NRXN3: variants seen among roughly 807,000 people sequenced by gnomAD.
NRXN3 encodes the protein neurexin III.
In NRXN3, 32 loss-of-function variants were observed where a neutral mutation model predicts 137.6. That is an observed-to-expected ratio of 0.23 (90% CI 0.18 to 0.31). The LOEUF (loss-of-function observed/expected upper bound fraction) is 0.31. Among genes scored for constraint, NRXN3 ranks in the 10% least tolerant of loss-of-function variants. NRXN3 has a pLI of 1.00. For missense variants in NRXN3, 1,574 were observed against 2,062.5 expected, an observed-to-expected ratio of 0.76 and a Z score of 4.59; for synonymous variants, 798 against 784.5, an observed-to-expected ratio of 1.02 and a Z score of -0.29.
intron 1 of NRXN3, among the ~76,000 whole-genome samples, chr14:78,193,983 C>G (rs948721582): frequency 6.6e-6 from 1 of 152,128 alleles, no homozygotes. Flanking sequence ...GGCTGCTAGG[C>G]TAACTCTCCC....
At chr14:79,099,869 G>C (rs1410935687) in intron 15 of NRXN3, among the ~76,000 whole-genome samples, 1 of 152,116 alleles carries the variant, frequency 6.6e-6, no homozygotes, top group Non-Finnish European at 1.5e-5. Flanking sequence ...TCTTCCTCAA[G>C]GCCTCTAACT....
intron 15 of NRXN3, among the ~76,000 whole-genome samples, chr14:79,456,625 G>GT (rs1175354919): frequency 1.3e-5 from 2 of 151,922 alleles, no homozygotes; most frequent in Non-Finnish European, 2.9e-5. Context: ...TACTCTGGAG[G>GT]CTGAGACAGG....
rs1016105145 is a variant in NRXN3, at chr14:78,983,130, A to C, written c.3143-4892A>C. Among the ~76,000 whole-genome samples the C allele has an allele frequency of 3.3e-5, 5 of 152,278 alleles. No individual in the cohort carries two copies. The South Asian group carries it at 1.0e-3, about 32-fold the overall frequency. ...AAAATAGCTACTATCAAAAAGACAA[A>C]AACAACAACAACAACAAGTATTGGC... On this transcript the variant is annotated intron_variant, in intron 14 of 20. Coordinates refer to ENST00000335750, the MANE Select transcript of NRXN3 (RefSeq NM_001330195.2).
At chr14:78,740,034 C>T (rs1287434367) in intron 8 of NRXN3, among the ~76,000 whole-genome samples, 1 of 152,166 alleles carries the variant, frequency 6.6e-6, no homozygotes, top group Non-Finnish European at 1.5e-5. Context: ...GCCCTGGCAT[C>T]TCTTAAGTTG....
chr14:79,645,533 T>G (rs1442683266), intron 16 of NRXN3, among the ~76,000 whole-genome samples: 1 of 129,442 alleles, frequency 7.7e-6, no homozygotes, highest in East Asian at 2.0e-4. Flanking sequence ...GGAGAATCAC[T>G]AGAATTCAGG....
At chr14:79,466,120 C>A (rs1408757905) in intron 15 of NRXN3, among the ~76,000 whole-genome samples, 1 of 151,896 alleles carries the variant, frequency 6.6e-6, no homozygotes, top group Non-Finnish European at 1.5e-5. Flanking sequence ...ACTGGTAAAC[C>A]CACTAATCAT....
intron 4 of NRXN3, among the ~76,000 whole-genome samples, chr14:78,512,325 T>G (rs1323668714): frequency 1.3e-5 from 2 of 152,186 alleles, no homozygotes; most frequent in Non-Finnish European, 2.9e-5. Flanking sequence ...CCACTAAGTT[T>G]GGTGGTGGTT....
At chr14:79,031,392 A>G (rs1031564422) in intron 15 of NRXN3, among the ~76,000 whole-genome samples, 6 of 152,156 alleles carry the variant, frequency 3.9e-5, no homozygotes, top group Non-Finnish European at 8.8e-5. Flanking sequence ...TCTCAAAGCT[A>G]TGAGAAATAA....
intron 4 of NRXN3, among the ~76,000 whole-genome samples, chr14:78,559,843 T>A (rs1336861875): frequency 6.6e-6 from 1 of 152,230 alleles, no homozygotes; most frequent in Non-Finnish European, 1.5e-5. Context: ...CAGGCTCTCA[T>A]TTGAGCCCTC....
intron 15 of NRXN3, among the ~76,000 whole-genome samples, chr14:79,230,367 G>C (rs1395507420): frequency 6.6e-6 from 1 of 152,078 alleles, no homozygotes; most frequent in Non-Finnish European, 1.5e-5. Flanking sequence ...GACAAGGGTT[G>C]CCTAGCCTGA....
At chr14:79,557,841 T>G (rs2153768066) in intron 16 of NRXN3, among the ~76,000 whole-genome samples, 1 of 152,138 alleles carries the variant, frequency 6.6e-6, no homozygotes, top group African/African-American at 2.4e-5. Context: ...TTCATGAAAG[T>G]TTTCTCTGTA....
At chr14:78,939,688 T>G (rs148081556) in intron 10 of NRXN3, among the ~76,000 whole-genome samples, 4,067 of 152,356 alleles carry the variant, frequency 0.027, 77 homozygotes, top group Non-Finnish European at 0.04. Flanking sequence ...CCAAAATGGA[T>G]GTCACCAATG....
chr14:78,193,087 AG>A (rs1156762694), intron 1 of NRXN3, among the ~76,000 whole-genome samples: 1 of 152,172 alleles, frequency 6.6e-6, no homozygotes, highest in Non-Finnish European at 1.5e-5. Flanking sequence ...CAACTCCTTA[AG>A]GTTCTTGGGT....
At chr14:79,422,040 G>A (rs1050602097) in intron 15 of NRXN3, among the ~76,000 whole-genome samples, 2 of 152,080 alleles carry the variant, frequency 1.3e-5, no homozygotes, top group African/African-American at 4.8e-5. Flanking sequence ...TACATGTAGA[G>A]TGAGGATGCA....
chr14:78,323,218 T>G (rs1048088473), intron 4 of NRXN3, among the ~76,000 whole-genome samples: 1 of 151,908 alleles, frequency 6.6e-6, no homozygotes, highest in Non-Finnish European at 1.5e-5. Flanking sequence ...TTACTTTCAT[T>G]TTTGTGGGGG....
At chr14:78,528,800 G>T (rs2096417730) in intron 4 of NRXN3, among the ~76,000 whole-genome samples, 1 of 152,070 alleles carries the variant, frequency 6.6e-6, no homozygotes, top group Admixed American at 6.5e-5. Context: ...ACTTTGTTTA[G>T]CATGGATATT....
chr14:79,189,125 T>C (rs2063904972), intron 15 of NRXN3, among the ~76,000 whole-genome samples: 2 of 151,728 alleles, frequency 1.3e-5, no homozygotes, highest in Admixed American at 1.3e-4. Flanking sequence ...TAGCAAAGAC[T>C]TGGAACCAAC....
chr14:79,413,210 A>C (rs1444334396), intron 15 of NRXN3, among the ~76,000 whole-genome samples: 3 of 152,080 alleles, frequency 2.0e-5, no homozygotes, highest in African/African-American at 7.2e-5. Context: ...CTCTCTATCA[A>C]ATCTTTGCAC....
At chr14:79,737,231 T>C (rs2098945238) in intron 19 of NRXN3, among the ~76,000 whole-genome samples, 1 of 152,318 alleles carries the variant, frequency 6.6e-6, no homozygotes, top group African/African-American at 2.4e-5. Flanking sequence ...GTTGTCCACT[T>C]TGTGGTTTTG....
Sources: gnomAD v4.1 joint callset for allele counts (sites outside exome capture counted in the v4.1 genomes callset) on GRCh38, gnomAD v4.1.1 for gene constraint, MANE v1.5 for transcripts, NCBI Gene and HGNC (gene_info 2026-07-23, HGNC 2026-07-21) for gene names.